CCR3: variants seen among roughly 807,000 people sequenced by gnomAD.
CCR3 encodes C-C chemokine receptor type 3.
For synonymous variants in CCR3, 203 were observed against 179.2 expected, an observed-to-expected ratio of 1.13 and a Z score of -1.06; for missense variants, 419 against 437.5, an observed-to-expected ratio of 0.96 and a Z score of 0.38.
chr3:46,217,272 A>T lies in CCR3; in HGVS notation c.-68+6365A>T, dbSNP rs564471631. Among the ~76,000 whole-genome samples, 3 of 152,332 alleles carry T rather than the reference A, an allele frequency of 2.0e-5. No homozygotes were observed. In the South Asian group the frequency reaches 6.2e-4, roughly 32 times the overall value. ...TCCAACAGGAAAATATCACAATCCTAGATATATATGCACCTAACACTGGAG... is the reference window on the plus strand; with the variant it reads ...TCCAACAGGAAAATATCACAATCCTTGATATATATGCACCTAACACTGGAG... On this transcript the variant is annotated intron_variant, in intron 2 of 3. Coordinates refer to the CCR3 transcript ENST00000357422.
chr3:46,264,478 G>T, intron 1 of CCR3: 4 of 1,486,204 alleles, frequency 2.7e-6, no homozygotes, highest in Non-Finnish European at 3.6e-6. Flanking sequence ...TTTTTCAAAA[G>T]TTAAATTTAA....
At chr3:46,220,548 C>T (rs1407656130) in intron 2 of CCR3, among the ~76,000 whole-genome samples, 3 of 152,184 alleles carry the variant, frequency 2.0e-5, no homozygotes, top group African/African-American at 7.2e-5. Flanking sequence ...AAGGCACCTG[C>T]ACATGCATCT....
intron 2 of CCR3, among the ~76,000 whole-genome samples, chr3:46,220,172 G>A (rs1335906972): frequency 6.6e-6 from 1 of 152,132 alleles, no homozygotes; most frequent in East Asian, 1.9e-4. Context: ...CAAAAAGCGG[G>A]CTAAGGACAT....
chr3:46,255,225 T>A (rs776635042), intron 1 of CCR3, among the ~76,000 whole-genome samples: 36 of 151,898 alleles, frequency 2.4e-4, no homozygotes, highest in Non-Finnish European at 4.1e-4. Flanking sequence ...GTCCTTAGCC[T>A]ACTTTTTGAT....
chr3:46,241,260 T>G (rs560331953), upstream of CCR3, among the ~76,000 whole-genome samples: 211 of 152,184 alleles, frequency 1.4e-3, 1 homozygote, highest in African/African-American at 4.8e-3. Flanking sequence ...AGCACAGTCC[T>G]ACACACATAT....
intron 2 of CCR3, among the ~76,000 whole-genome samples, chr3:46,224,668 C>T (rs1197948221): frequency 7.8e-5 from 11 of 140,762 alleles, no homozygotes; most frequent in African/African-American, 2.4e-4. Context: ...GCCTGGGAGA[C>T]GGAGGTTGCA....
intron 1 of CCR3, among the ~76,000 whole-genome samples, chr3:46,260,474 A>G (rs1458890188): frequency 6.6e-6 from 1 of 152,218 alleles, no homozygotes; most frequent in African/African-American, 2.4e-5. Context: ...TTGGGTAAAT[A>G]CAGCCATTCT....
At chr3:46,262,649 ATTATTTATTTAT>A (rs765084283) in intron 1 of CCR3, among the ~76,000 whole-genome samples, 2 of 151,650 alleles carry the variant, frequency 1.3e-5, no homozygotes, top group Non-Finnish European at 2.9e-5. Flanking sequence ...TTAATTTTTA[ATTATTTATTTAT>A]TTATTTATTT....
Position 46,265,221 on chromosome 3 carries a change from C to A in CCR3, c.63C>A (p.Gly21=), listed in dbSNP as rs758559990. 1 of 1,613,884 alleles carries A rather than the reference C, an allele frequency of 6.2e-7. No homozygotes were observed. The highest frequency in any genetic ancestry group is 8.5e-7 in the Non-Finnish European group (1 of 1,179,950). ...FGTTSYYDDV[G]LLCEKADTRA... ...CCACATCCTACTATGATGACGTGGG[C>A]CTGCTCTGTGAAAAAGCTGATACCA... is the stretch of plus-strand genomic sequence containing the variant. Residue 21 remains glycine (G), a synonymous_variant, in exon 2 of 2, where the codon GGC becomes GGA. Coordinates refer to ENST00000395940, the MANE Select transcript of CCR3 (RefSeq NM_178329.3).
At chr3:46,226,322 C>A (rs924105529) in intron 2 of CCR3, among the ~76,000 whole-genome samples, 2 of 151,984 alleles carry the variant, frequency 1.3e-5, no homozygotes, top group African/African-American at 4.8e-5. Context: ...CATGGTATAT[C>A]TCTCTATATT....
chr3:46,252,526 T>C (rs1340936798), intron 1 of CCR3, among the ~76,000 whole-genome samples: 1 of 152,058 alleles, frequency 6.6e-6, no homozygotes, highest in Non-Finnish European at 1.5e-5. Context: ...TTTCCACTAA[T>C]ACAGAAAAAT....
chr3:46,256,862 A>C (rs530182312), intron 1 of CCR3, among the ~76,000 whole-genome samples: 77 of 152,232 alleles, frequency 5.1e-4, no homozygotes, highest in African/African-American at 1.8e-3. Flanking sequence ...TTGCCCAAAG[A>C]GCCAAGACCT....
intron 1 of CCR3, among the ~76,000 whole-genome samples, chr3:46,249,618 G>C (rs1442900023): frequency 6.6e-6 from 1 of 152,202 alleles, no homozygotes; most frequent in African/African-American, 2.4e-5. Context: ...CCTTGGGCCA[G>C]AGTTCCAGGG....
Position 46,263,357 on chromosome 3 carries a change from G to A in CCR3, c.-11-1791G>A, listed in dbSNP as rs541525475. 7.7e-5 allele frequency: 12 copies of A among 155,322 alleles called. 1 individual carries two copies. Among genetic ancestry groups the A allele is most frequent in the South Asian group, 6.1e-4 (3 of 4,900 alleles). 9.6% of individuals were successfully genotyped at this position (155,322 alleles called of 1,614,324 possible). On this transcript the variant is annotated intron_variant, in intron 1 of 1. Coordinates refer to ENST00000395940, the MANE Select transcript of CCR3 (RefSeq NM_178329.3). ...GCAGAAGGACACTCTGTGATTGTAC[G>A]TGTGTAACTGACAAAATGTGTATTT...
At chr3:46,235,027 T>G (rs566953897) in intron 2 of CCR3, among the ~76,000 whole-genome samples, 7 of 152,310 alleles carry the variant, frequency 4.6e-5, no homozygotes, top group African/African-American at 1.7e-4. Context: ...ACCCCTCTAC[T>G]GGAGGTGGAG....
At chr3:46,257,448 T>C (rs574585813) in intron 1 of CCR3, among the ~76,000 whole-genome samples, 45 of 133,450 alleles carry the variant, frequency 3.4e-4, no homozygotes, top group Non-Finnish European at 5.8e-4. Context: ...TTTTTTTTTT[T>C]CTGGGAAAAA....
intron 1 of CCR3, among the ~76,000 whole-genome samples, chr3:46,247,167 GA>G (rs1700213461): frequency 6.6e-6 from 1 of 152,072 alleles, no homozygotes; most frequent in South Asian, 2.1e-4. Context: ...GGGATAGCAC[GA>G]GGAGATATCA....
intron 1 of CCR3, among the ~76,000 whole-genome samples, chr3:46,250,083 TG>T (rs1245830599): frequency 1.1e-4 from 16 of 151,456 alleles, no homozygotes; most frequent in African/African-American, 3.7e-4. Flanking sequence ...AGCCATGAAC[TG>T]GGCTGGGTTT....
chr3:46,232,160 A>G (rs1699971820), intron 2 of CCR3, among the ~76,000 whole-genome samples: 1 of 152,226 alleles, frequency 6.6e-6, no homozygotes, highest in Non-Finnish European at 1.5e-5. Context: ...TTATAAAAAA[A>G]TGAAAATGAG....
Sources: gnomAD v4.1 joint callset for allele counts (sites outside exome capture counted in the v4.1 genomes callset) on GRCh38, gnomAD v4.1.1 for gene constraint, MANE v1.5 for transcripts, NCBI Gene and HGNC (gene_info 2026-07-23, HGNC 2026-07-21) for gene names.